The following TSPAN15 variants were observed in gnomAD, a reference collection of about 807,000 sequenced individuals.
TSPAN15 encodes the protein tetraspanin 15.
A neutral mutation model predicts 34.5 loss-of-function variants in TSPAN15; 20 were observed. The observed-to-expected ratio is 0.58, with a 90% CI of 0.41 to 0.84. The LOEUF (loss-of-function observed/expected upper bound fraction) is 0.84, where lower values mean the gene tolerates loss of function less well. Ranked by LOEUF, TSPAN15 falls within the 40% of genes least tolerant of loss-of-function variation. The pLI is 0.00. For synonymous variants in TSPAN15, 155 were observed against 153.9 expected (o/e 1.01, Z -0.05); for missense variants, 313 against 386.1 (o/e 0.81, Z 1.59).
chr10:69,495,785 CTT>C, intron 4 of TSPAN15, 96 bp downstream of exon 4: 1 of 852,582 alleles, frequency 1.2e-6, no homozygotes, highest in Admixed American at 2.1e-5. Flanking sequence ...GACCAGGTGA[CTT>C]ATCCATTCCC....
intron 1 of TSPAN15, among the ~76,000 whole-genome samples, chr10:69,453,476 G>C (rs1269703133): frequency 6.6e-6 from 1 of 152,114 alleles, no homozygotes; most frequent in Non-Finnish European, 1.5e-5. Context: ...AGAGCCTAAG[G>C]TTGATGGGTG....
chr10:69,466,990 C>T (rs558520948), intron 1 of TSPAN15, among the ~76,000 whole-genome samples: 127 of 152,324 alleles, frequency 8.3e-4, no homozygotes, highest in African/African-American at 2.9e-3. Flanking sequence ...GTCGCATCAG[C>T]GCCAGCCCTC....
At chr10:69,461,918 C>A (rs190766097) in intron 1 of TSPAN15, among the ~76,000 whole-genome samples, 4 of 148,526 alleles carry the variant, frequency 2.7e-5, no homozygotes, top group Non-Finnish European at 4.5e-5. Context: ...ACCACCCCCC[C>A]GCCACCACCC....
At chr10:69,504,714 A>G (rs1163538066) in intron 6 of TSPAN15, among the ~76,000 whole-genome samples, 1 of 152,124 alleles carries the variant, frequency 6.6e-6, no homozygotes, top group Non-Finnish European at 1.5e-5. Context: ...TTTGCCGAGC[A>G]CCTACTGTGG....
the TSPAN15 span, among the ~76,000 whole-genome samples, chr10:69,534,473 A>G: frequency 1.3e-5 from 2 of 152,258 alleles, no homozygotes; most frequent in African/African-American, 4.8e-5. Flanking sequence ...AAGGAGAATG[A>G]AAGAGCTTAT....
the TSPAN15 span, among the ~76,000 whole-genome samples, chr10:69,520,607 G>A: frequency 1.5e-3 from 228 of 152,328 alleles, 3 homozygotes; most frequent in Middle Eastern, 0.01. Context: ...AGTGAGCCGA[G>A]ATTGCATCAT....
chr10:69,488,357 G>C (rs970938911), intron 3 of TSPAN15, among the ~76,000 whole-genome samples: 1 of 152,148 alleles, frequency 6.6e-6, no homozygotes, highest in African/African-American at 2.4e-5. Flanking sequence ...GAGCAATCAA[G>C]GTCAGCTTCC....
chr10:69,492,875 A>T (rs1841997575), intron 3 of TSPAN15, among the ~76,000 whole-genome samples: 1 of 152,140 alleles, frequency 6.6e-6, no homozygotes, highest in South Asian at 2.1e-4. Context: ...GTAGGTGCAG[A>T]GGGACATGGT....
intron 4 of TSPAN15, among the ~76,000 whole-genome samples, chr10:69,497,982 A>G (rs1210814996): frequency 6.6e-6 from 1 of 152,116 alleles, no homozygotes; most frequent in African/African-American, 2.4e-5. Flanking sequence ...AGATGAAGAA[A>G]GTGGAGGCCA....
chr10:69,461,367 A>C (rs970266351), intron 1 of TSPAN15, among the ~76,000 whole-genome samples: 5 of 152,138 alleles, frequency 3.3e-5, no homozygotes, highest in African/African-American at 9.7e-5. Context: ...GGAAGCAAGT[A>C]TTTCACTGGA....
chr10:69,525,947 G>T, the TSPAN15 span, among the ~76,000 whole-genome samples: 6 of 146,002 alleles, frequency 4.1e-5, no homozygotes, highest in African/African-American at 1.5e-4. Flanking sequence ...AAATAGACAA[G>T]ACACTATAGG....
chr10:69,474,457 ACCT>A (rs961475276), intron 1 of TSPAN15, among the ~76,000 whole-genome samples: 1 of 151,678 alleles, frequency 6.6e-6, no homozygotes, highest in Non-Finnish European at 1.5e-5. Flanking sequence ...TAGGACAAAG[ACCT>A]CCTGTCATCT....
chr10:69,469,396 C>T (rs967328079), intron 1 of TSPAN15, among the ~76,000 whole-genome samples: 3 of 152,216 alleles, frequency 2.0e-5, no homozygotes. Flanking sequence ...GAACCCCTGA[C>T]TTATAGCCAG....
chr10:69,523,259 A>C, the TSPAN15 span: 1 of 330,808 alleles, frequency 3.0e-6, no homozygotes, highest in Non-Finnish European at 5.6e-6. Flanking sequence ...TTTCTGCTCC[A>C]ACTCTCAAAA....
the TSPAN15 span, among the ~76,000 whole-genome samples, chr10:69,518,717 C>A: frequency 1.3e-5 from 2 of 152,276 alleles, no homozygotes; most frequent in African/African-American, 2.4e-5. Context: ...CCACCGCACC[C>A]GGCCATAAAC....
intron 1 of TSPAN15, among the ~76,000 whole-genome samples, chr10:69,463,734 T>C (rs899477844): frequency 9.5e-5 from 14 of 147,376 alleles, no homozygotes; most frequent in African/African-American, 3.3e-4. Flanking sequence ...TGCTTGAACC[T>C]GGGAGGTGGA....
At chr10:69,491,095 A>G (rs1227441624) in intron 3 of TSPAN15, among the ~76,000 whole-genome samples, 3 of 152,156 alleles carry the variant, frequency 2.0e-5, no homozygotes, top group African/African-American at 7.2e-5. Flanking sequence ...CTCTCCCACC[A>G]TGGAGATGAA....
chr10:69,516,672 C>T, the TSPAN15 span, among the ~76,000 whole-genome samples: 1 of 152,166 alleles, frequency 6.6e-6, no homozygotes, highest in Admixed American at 6.5e-5. Context: ...GGGCTCAGCA[C>T]CCACCCCTCC....
chr10:69,452,103 C>A (rs1840984828), intron 1 of TSPAN15, among the ~76,000 whole-genome samples: 1 of 152,254 alleles, frequency 6.6e-6, no homozygotes, highest in South Asian at 2.1e-4. Context: ...GACCTGGATT[C>A]CGGGTCTGGT....
Sources: allele counts gnomAD v4.1 joint callset (sites outside exome capture counted in the v4.1 genomes callset), GRCh38; gene constraint gnomAD v4.1.1; transcripts MANE v1.5; gene names NCBI Gene and HGNC (gene_info 2026-07-23, HGNC 2026-07-21).